The following SMCO2 variants were observed in gnomAD, a reference collection of about 807,000 sequenced individuals.
SMCO2 encodes the protein single-pass membrane protein with coiled-coil domains 2.
SMCO2 carries 25 observed loss-of-function variants against 29.5 expected under a neutral mutation model. The ratio of observed to expected loss-of-function variants is 0.85; its 90% CI spans 0.62 to 1.18. SMCO2 has a LOEUF of 1.18. Among genes scored for constraint, SMCO2 ranks in the 50% most tolerant of loss-of-function variants. SMCO2 has a pLI of 0.00. For missense variants in SMCO2, 348 were observed against 344.5 expected (o/e 1.01, Z -0.08); for synonymous variants, 117 against 123.3 (o/e 0.95, Z 0.34).
the SMCO2 span, among the ~76,000 whole-genome samples, chr12:27,428,250 C>G: frequency 6.6e-6 from 1 of 152,168 alleles, no homozygotes; most frequent in Non-Finnish European, 1.5e-5. Context: ...CAGGGAGGGG[C>G]TGTTAGCATC....
chr12:27,445,798 G>A, the SMCO2 span, among the ~76,000 whole-genome samples: 1 of 152,200 alleles, frequency 6.6e-6, no homozygotes. Context: ...CAGTTCTGGA[G>A]AATAGAAGTC....
At chr12:27,492,721 T>C (rs534785201) in intron 5 of SMCO2, among the ~76,000 whole-genome samples, 1 of 151,874 alleles carries the variant, frequency 6.6e-6, no homozygotes, top group South Asian at 2.1e-4. Flanking sequence ...GGAACACTTA[T>C]ACACAGTGGG....
chr12:27,450,147 A>C, the SMCO2 span, among the ~76,000 whole-genome samples: 1 of 152,192 alleles, frequency 6.6e-6, no homozygotes, highest in East Asian at 1.9e-4. Context: ...AGGTCTGTGG[A>C]GCCTCTGGCT....
chr12:27,499,021 A>G (rs774708323), intron 7 of SMCO2, among the ~76,000 whole-genome samples: 5 of 150,862 alleles, frequency 3.3e-5, no homozygotes, highest in Admixed American at 6.6e-5. Flanking sequence ...CACTTTTGAA[A>G]ACAACTTGGC....
the SMCO2 span, among the ~76,000 whole-genome samples, chr12:27,452,589 A>G: frequency 6.6e-6 from 1 of 152,186 alleles, no homozygotes; most frequent in Non-Finnish European, 1.5e-5. Context: ...TCTTGGGCTT[A>G]AGCAATCTTC....
At chr12:27,460,847 A>G in the SMCO2 span, among the ~76,000 whole-genome samples, 1 of 152,172 alleles carries the variant, frequency 6.6e-6, no homozygotes, top group Non-Finnish European at 1.5e-5. Flanking sequence ...CCCAGAAACC[A>G]CTGCTTCCTT....
At chr12:27,488,347 C>G in intron 4 of SMCO2, 113 bp from the exon 6 acceptor site, 1 of 638,226 alleles carries the variant, frequency 1.6e-6, no homozygotes, top group Non-Finnish European at 2.4e-6. Context: ...CAAGCACTAC[C>G]AAAGCATCCT....
At chr12:27,461,577 G>A in the SMCO2 span, among the ~76,000 whole-genome samples, 2 of 152,150 alleles carry the variant, frequency 1.3e-5, no homozygotes, top group Admixed American at 6.5e-5. Flanking sequence ...CAGAACCCAC[G>A]GATAAGGAGA....
chr12:27,457,262 C>T, the SMCO2 span, among the ~76,000 whole-genome samples: 1 of 152,114 alleles, frequency 6.6e-6, no homozygotes. Context: ...CCAGGAGCCT[C>T]ACGTGTGATT....
chr12:27,458,095 TA>T, the SMCO2 span, among the ~76,000 whole-genome samples: 1 of 152,226 alleles, frequency 6.6e-6, no homozygotes, highest in East Asian at 1.9e-4. Context: ...CGCTTGTGCT[TA>T]AATTAATATG....
At chr12:27,452,946 A>G in the SMCO2 span, among the ~76,000 whole-genome samples, 1 of 152,132 alleles carries the variant, frequency 6.6e-6, no homozygotes, top group Non-Finnish European at 1.5e-5. Context: ...TCCTAGGCCC[A>G]TGGTTGTAAA....
upstream of SMCO2, chr12:27,466,748 G>A (rs151149457): frequency 5.6e-4 from 85 of 152,470 alleles, 1 homozygote; most frequent in African/African-American, 1.9e-3. Flanking sequence ...TCTTGTGAGA[G>A]GGGGTTACAG....
At chr12:27,429,454 A>G in the SMCO2 span, among the ~76,000 whole-genome samples, 1 of 144,336 alleles carries the variant, frequency 6.9e-6, no homozygotes, top group African/African-American at 2.6e-5. Context: ...TAAAAGTCAG[A>G]TAGCATTTGA....
upstream of SMCO2, among the ~76,000 whole-genome samples, chr12:27,464,434 C>T (rs185144262): frequency 3.6e-4 from 55 of 152,054 alleles, no homozygotes; most frequent in African/African-American, 1.0e-3. Context: ...AGAGGCCGGG[C>T]GCAATGACTC....
chr12:27,453,364 A>G, the SMCO2 span, among the ~76,000 whole-genome samples: 4 of 152,308 alleles, frequency 2.6e-5, no homozygotes, highest in East Asian at 7.7e-4. Flanking sequence ...GGGGCATGTG[A>G]GTGCTATTTC....
chr12:27,482,094 G>A (rs1335442741), intron 4 of SMCO2, among the ~76,000 whole-genome samples: 1 of 151,240 alleles, frequency 6.6e-6, no homozygotes, highest in African/African-American at 2.4e-5. Context: ...GTGAACTTTA[G>A]GTCATTGATT....
chr12:27,426,522 G>A, the SMCO2 span, among the ~76,000 whole-genome samples: 2 of 152,170 alleles, frequency 1.3e-5, no homozygotes, highest in Non-Finnish European at 2.9e-5. Flanking sequence ...CCCTTGCAGA[G>A]CTTTAGTGAG....
the SMCO2 span, among the ~76,000 whole-genome samples, chr12:27,433,903 A>G: frequency 5.9e-5 from 9 of 152,222 alleles, no homozygotes; most frequent in African/African-American, 2.2e-4. Context: ...CTGAACGTGC[A>G]AGATTGCAAA....
At chr12:27,439,122 A>G in the SMCO2 span, among the ~76,000 whole-genome samples, 1 of 152,176 alleles carries the variant, frequency 6.6e-6, no homozygotes, top group Non-Finnish European at 1.5e-5. Context: ...TGGGAGAGAT[A>G]TCCCTAAGGA....
Sources: allele counts gnomAD v4.1 joint callset (sites outside exome capture counted in the v4.1 genomes callset), GRCh38; gene constraint gnomAD v4.1.1; transcripts MANE v1.5; gene names NCBI Gene and HGNC (gene_info 2026-07-23, HGNC 2026-07-21).